Variants in FBLN2 observed in about 807,000 individuals in gnomAD.
The protein encoded by FBLN2 is fibulin 2, also known as fibulin-2.
Under a neutral mutation model 123.7 loss-of-function variants are expected in FBLN2, and 81 were observed. The observed-to-expected ratio is 0.65, with a 90% CI of 0.55 to 0.79. The LOEUF is 0.79. Ranked by LOEUF, FBLN2 falls within the 30% of genes least tolerant of loss-of-function variation. FBLN2 has a pLI of 0.00. For synonymous variants in FBLN2, 699 were observed against 701.4 expected, an observed-to-expected ratio of 1.00 and a Z score of 0.05; for missense variants, 1,603 against 1,681.3, an observed-to-expected ratio of 0.95 and a Z score of 0.81.
chr3:13,606,578 G>A (rs1300911383), intron 2 of FBLN2, among the ~76,000 whole-genome samples: 2 of 152,162 alleles, frequency 1.3e-5, no homozygotes, highest in African/African-American at 4.8e-5. Context: ...ACTAATAGCT[G>A]ACTGTTGACA....
intron 2 of FBLN2, among the ~76,000 whole-genome samples, chr3:13,593,911 C>T (rs974572843): frequency 2.4e-4 from 36 of 152,176 alleles, no homozygotes; most frequent in African/African-American, 7.9e-4. Context: ...TGGAAGCAGC[C>T]GGTCTTAAGC....
intron 2 of FBLN2, among the ~76,000 whole-genome samples, chr3:13,577,948 T>C (rs1336934575): frequency 6.6e-6 from 1 of 152,142 alleles, no homozygotes; most frequent in East Asian, 1.9e-4. Context: ...CTTGGGGCTG[T>C]AGCAGGGGGC....
intron 9 of FBLN2, among the ~76,000 whole-genome samples, chr3:13,623,191 A>G (rs1389437326): frequency 6.6e-6 from 1 of 152,186 alleles, no homozygotes; most frequent in African/African-American, 2.4e-5. Context: ...GCAGCCGGCC[A>G]GCTCTTCCTG....
chr3:13,551,644 C>T (rs924874322), intron 1 of FBLN2, among the ~76,000 whole-genome samples: 2 of 152,130 alleles, frequency 1.3e-5, no homozygotes, highest in African/African-American at 4.8e-5. Context: ...TGAGCCCATC[C>T]ACACCTCACA....
At position 13,617,145 on chromosome 3, in the gene FBLN2, TC is replaced by T. The variant is rs1559420996; in HGVS notation, c.1730-929del. 9.9e-3 allele frequency among the ~76,000 whole-genome samples: 1,479 copies of T among 150,056 alleles called. 39 individuals carry two copies. Among genetic ancestry groups the T allele is most frequent in the African/African-American group, 0.036 (1,434 of 40,208 alleles). ...ATTCATTTGCCCATCCATTCATCAATCCATCCATCCATCCATCCATCCATCC... is the reference window on the plus strand; with the variant it reads ...ATTCATTTGCCCATCCATTCATCAATCATCCATCCATCCATCCATCCATCC... On this transcript the variant is annotated intron_variant, in intron 5 of 17. Coordinates refer to ENST00000404922, the MANE Select transcript of FBLN2 (RefSeq NM_001004019.2).
chr3:13,623,416 T>C (rs747490344), intron 9 of FBLN2, among the ~76,000 whole-genome samples: 2 of 152,220 alleles, frequency 1.3e-5, no homozygotes, highest in Non-Finnish European at 2.9e-5. Flanking sequence ...GCAAAATTGA[T>C]GAGCTCACAT....
intron 1 of FBLN2, among the ~76,000 whole-genome samples, chr3:13,569,530 T>A (rs1703853311): frequency 1.4e-5 from 2 of 145,858 alleles, no homozygotes; most frequent in South Asian, 4.4e-4. Flanking sequence ...GGAGACAGAT[T>A]GCGGGGAGAA....
intron 2 of FBLN2, among the ~76,000 whole-genome samples, chr3:13,573,894 C>CAAAA (rs34768387): frequency 1.1e-4 from 8 of 72,908 alleles, no homozygotes; most frequent in South Asian, 9.7e-4. Context: ...GAGTGAAACT[C>CAAAA]AAAAAAAAAA....
chr3:13,589,169 G>A (rs1363805865), intron 2 of FBLN2, among the ~76,000 whole-genome samples: 1 of 152,200 alleles, frequency 6.6e-6, no homozygotes, highest in Admixed American at 6.5e-5. Flanking sequence ...GGCCAGAGTT[G>A]TGCAAGATAC....
rs1211031090 is a variant in FBLN2, at chr3:13,625,205, G to A, written c.2297-1240G>A. Among the ~76,000 whole-genome samples the A allele has an allele frequency of 2.7e-5, 4 of 149,088 alleles. No individual in the cohort carries two copies. In the East Asian group the frequency reaches 6.0e-4, roughly 22 times the overall value. On this transcript the variant is annotated intron_variant, in intron 9 of 17. Transcript: ENST00000404922. ...TTGGTGGCCTCTGTGGCCCGGGGGT[G>A]GTTTCTGAGTTGGTGGCCTCTGTGG...
At chr3:13,577,427 G>C (rs1250577003) in intron 2 of FBLN2, among the ~76,000 whole-genome samples, 1 of 152,150 alleles carries the variant, frequency 6.6e-6, no homozygotes, top group Non-Finnish European at 1.5e-5. Flanking sequence ...GGGGGAGAGG[G>C]AGGGGGATAG....
Position 13,576,354 on chromosome 3 carries a change from T to C in FBLN2, c.1306+4693T>C, listed in dbSNP as rs139454504. 4.5e-3 allele frequency among the ~76,000 whole-genome samples: 681 copies of C among 152,316 alleles called. 3 individuals carry two copies. Among genetic ancestry groups the C allele is most frequent in the South Asian group, 0.037 (180 of 4,822 alleles). The stretch of plus-strand genomic sequence containing the variant: ...TCTCTTCCTCACAGCCCCCAGTCTG[T>C]GAACCAAGTCCATACTGGTTCATCT... On this transcript the variant is annotated intron_variant, in intron 2 of 17. Transcript: ENST00000404922.
intron 5 of FBLN2, 86 bp downstream of exon 5, chr3:13,614,250 C>G: frequency 7.4e-7 from 1 of 1,346,218 alleles, no homozygotes; most frequent in South Asian, 1.4e-5. Flanking sequence ...GGTCCATCAT[C>G]ACCTGTGGCT....
chr3:13,567,559 C>G (rs1382526956), intron 1 of FBLN2, among the ~76,000 whole-genome samples: 1 of 152,168 alleles, frequency 6.6e-6, no homozygotes, highest in Non-Finnish European at 1.5e-5. Flanking sequence ...GGTTTCACCA[C>G]GTTGGCCAGG....
At chr3:13,574,564 C>G (rs981584143) in intron 2 of FBLN2, among the ~76,000 whole-genome samples, 7 of 152,170 alleles carry the variant, frequency 4.6e-5, no homozygotes, top group Non-Finnish European at 1.0e-4. Context: ...TGGCAGGGCT[C>G]CAGCTCAAAG....
chr3:13,630,304 A>G (rs893351131), intron 14 of FBLN2, among the ~76,000 whole-genome samples: 20 of 152,272 alleles, frequency 1.3e-4, no homozygotes, highest in African/African-American at 4.6e-4. Context: ...GAGGGGCTGT[A>G]ACATTATTCC....
intron 11 of FBLN2, 48 bp from the exon 12 acceptor site, chr3:13,628,857 G>A: frequency 6.3e-7 from 1 of 1,597,132 alleles, no homozygotes; most frequent in Non-Finnish European, 8.5e-7. Context: ...GCTGGGGCCT[G>A]GGAGGACACC....
In FBLN2 at chr3:13,618,265, A is replaced by G. The variant is rs762292049; in HGVS notation, c.1919A>G (p.Asp640Gly). 5.0e-6 allele frequency: 8 copies of G among 1,613,748 alleles called. No homozygotes were observed. Among genetic ancestry groups the G allele is most frequent in the Non-Finnish European group, 5.9e-6 (7 of 1,179,904 alleles). The part of the protein sequence containing the change: ...ACFPGFSLQD[D>G]GRTCRPEGHP... ...TTTCCTGGCTTCTCACTGCAGGACG[A>G]TGGCCGCACTTGCCGCCCAGGTAAG... Residue 640 changes from aspartate (D) to glycine (G), a missense_variant, in exon 6 of 18, where the codon GAT becomes GGT. Transcript: ENST00000404922.
chr3:13,607,743 C>T (rs1204064251), intron 2 of FBLN2, among the ~76,000 whole-genome samples: 1 of 152,108 alleles, frequency 6.6e-6, no homozygotes, highest in African/African-American at 2.4e-5. Context: ...AGCTGTGGCC[C>T]ACGTGAGGTC....
Sources: gnomAD v4.1 joint callset for allele counts (sites outside exome capture counted in the v4.1 genomes callset) on GRCh38, gnomAD v4.1.1 for gene constraint, MANE v1.5 for transcripts, NCBI Gene and HGNC (gene_info 2026-07-23, HGNC 2026-07-21) for gene names.